CDH4: variants seen among roughly 807,000 people sequenced by gnomAD.
CDH4 encodes the protein cadherin 4, also known as cadherin-4.
A neutral mutation model predicts 86.0 loss-of-function variants in CDH4; 33 were observed. The ratio of observed to expected loss-of-function variants is 0.38; its 90% CI spans 0.29 to 0.51. The LOEUF is 0.51. Ranked by LOEUF, CDH4 falls within the 20% of genes least tolerant of loss-of-function variation. The probability of loss-of-function intolerance (pLI) is 0.86; values close to 1 mark genes in which losing one functional copy is unlikely to be tolerated. For synonymous variants in CDH4, 555 were observed against 549.4 expected (o/e 1.01, Z -0.14); for missense variants, 1,114 against 1,307.4 (o/e 0.85, Z 2.28).
chr20:61,458,049 G>A (rs1374978568), intron 2 of CDH4, among the ~76,000 whole-genome samples: 1 of 151,492 alleles, frequency 6.6e-6, no homozygotes, highest in Non-Finnish European at 1.5e-5. Context: ...GCTGACACTG[G>A]TGGTGGCAGC....
chr20:61,759,373 G>A (rs928889383), intron 3 of CDH4, among the ~76,000 whole-genome samples: 1 of 152,232 alleles, frequency 6.6e-6, no homozygotes, highest in African/African-American at 2.4e-5. Context: ...AGCAAGAACA[G>A]GGGTGTCTGT....
rs142710431 is a variant in CDH4 at position 61,752,569 on chromosome 20, C to T, written c.396+8780C>T. On this transcript the variant is annotated intron_variant, in intron 3 of 15. Transcript: ENST00000614565. ...GGCAGGTAATACCAAGAACTCTGTA[C>T]GGGACGTTAAGAGAAATCTTACGCA... Among the ~76,000 whole-genome samples, 6 of 152,196 alleles carry T rather than the reference C, an allele frequency of 3.9e-5. No homozygotes were observed. In the East Asian group the frequency reaches 9.7e-4, roughly 25 times the overall value.
intron 2 of CDH4, among the ~76,000 whole-genome samples, chr20:61,276,284 C>T (rs1198131526): frequency 6.6e-6 from 1 of 152,090 alleles, no homozygotes; most frequent in Admixed American, 6.5e-5. Flanking sequence ...AACTTAAGAC[C>T]GGAAGTGCAC....
At chr20:61,298,912 T>C (rs2084371574) in intron 2 of CDH4, among the ~76,000 whole-genome samples, 1 of 152,010 alleles carries the variant, frequency 6.6e-6, no homozygotes, top group Non-Finnish European at 1.5e-5. Context: ...AAAAATGCTC[T>C]AAAAGAACAG....
In CDH4 at chr20:61,676,628, C is replaced by A. The variant is rs1033576912; in HGVS notation, c.170-66935C>A. 1.3e-5 allele frequency among the ~76,000 whole-genome samples: 2 copies of A among 152,202 alleles called. No individual in the cohort carries two copies. The highest frequency in any genetic ancestry group is 1.3e-4 in the Admixed American group (2 of 15,290). On this transcript the variant is annotated intron_variant, in intron 2 of 15. Transcript: ENST00000614565. The surrounding 1 kb of genome is among the most constrained non-coding windows in gnomAD (Gnocchi z 4.5). ...GCCAGGGTTCACTGAGTGTACCTGGCATTCTCTCAATTCTCTGCACATGCC... is the reference window on the plus strand; with the variant it reads ...GCCAGGGTTCACTGAGTGTACCTGGAATTCTCTCAATTCTCTGCACATGCC...
intron 2 of CDH4, among the ~76,000 whole-genome samples, chr20:61,376,633 T>G (rs2145441214): frequency 6.6e-6 from 1 of 152,246 alleles, no homozygotes; most frequent in African/African-American, 2.4e-5. Context: ...ATGATGCATC[T>G]TACTGAGCAT....
At chr20:61,550,986 G>T (rs961416719) in intron 2 of CDH4, among the ~76,000 whole-genome samples, 2 of 152,232 alleles carry the variant, frequency 1.3e-5, no homozygotes, top group Admixed American at 1.3e-4. Context: ...TCAGACAGTT[G>T]GTTGAAATCC....
chr20:61,533,258 C>T (rs899136769), intron 2 of CDH4, among the ~76,000 whole-genome samples: 8 of 152,132 alleles, frequency 5.3e-5, no homozygotes, highest in South Asian at 4.1e-4. Flanking sequence ...AGTGGCAGGG[C>T]GATGGGGGGC....
chr20:61,878,093 T>C (rs1215006213), intron 7 of CDH4, among the ~76,000 whole-genome samples: 2 of 152,040 alleles, frequency 1.3e-5, no homozygotes, highest in Non-Finnish European at 2.9e-5. Flanking sequence ...GGAGCTGAGC[T>C]GTAGGCCTGG....
At chr20:61,706,799 G>A (rs1339938201) in intron 2 of CDH4, among the ~76,000 whole-genome samples, 2 of 152,232 alleles carry the variant, frequency 1.3e-5, no homozygotes, top group Non-Finnish European at 2.9e-5. Flanking sequence ...TCATGGTGAG[G>A]TTCCAACCGG....
intron 4 of CDH4, among the ~76,000 whole-genome samples, chr20:61,776,589 C>T (rs2088845417): frequency 6.6e-6 from 1 of 152,240 alleles, no homozygotes; most frequent in Non-Finnish European, 1.5e-5. Context: ...CCCAGAACGT[C>T]ACTGCAGAAC....
At chr20:61,461,696 T>G (rs767108150) in intron 2 of CDH4, among the ~76,000 whole-genome samples, 3 of 152,220 alleles carry the variant, frequency 2.0e-5, no homozygotes, top group Non-Finnish European at 4.4e-5. Context: ...CCTCCTGTGT[T>G]ATTTCCACAT....
intron 2 of CDH4, among the ~76,000 whole-genome samples, chr20:61,484,716 G>A (rs2085586512): frequency 6.6e-6 from 1 of 152,124 alleles, no homozygotes; most frequent in Admixed American, 6.5e-5. Flanking sequence ...CCAGCCAGTG[G>A]GGAAAGAGCT....
At chr20:61,778,059 C>T (rs915058678) in intron 4 of CDH4, among the ~76,000 whole-genome samples, 2 of 152,260 alleles carry the variant, frequency 1.3e-5, no homozygotes, top group African/African-American at 2.4e-5. Flanking sequence ...CACTCCTACA[C>T]GTTCATGTTT....
chr20:61,761,698 A>G (rs1312229299), intron 3 of CDH4, among the ~76,000 whole-genome samples: 1 of 152,228 alleles, frequency 6.6e-6, no homozygotes. Context: ...TGCAGTGCAC[A>G]GAGGGGTGAG....
At chr20:61,903,032 A>G (rs1427173448) in intron 8 of CDH4, among the ~76,000 whole-genome samples, 1 of 152,068 alleles carries the variant, frequency 6.6e-6, no homozygotes, top group Admixed American at 6.6e-5. Flanking sequence ...AAAAAAAAAA[A>G]AAAAAAAAGA....
intron 2 of CDH4, among the ~76,000 whole-genome samples, chr20:61,617,903 T>G (rs951821266): frequency 3.9e-5 from 6 of 152,168 alleles, no homozygotes; most frequent in African/African-American, 1.4e-4. Flanking sequence ...ATGGAGGCGG[T>G]TTCTCCCATG....
At chr20:61,621,562 G>A (rs756499952) in intron 2 of CDH4, among the ~76,000 whole-genome samples, 31 of 152,218 alleles carry the variant, frequency 2.0e-4, no homozygotes, top group Middle Eastern at 3.4e-3. Flanking sequence ...TTTCATCACC[G>A]TCCTTCTCCG....
intron 2 of CDH4, among the ~76,000 whole-genome samples, chr20:61,541,441 G>A (rs903062636): frequency 4.6e-5 from 7 of 152,168 alleles, no homozygotes; most frequent in Non-Finnish European, 1.0e-4. Context: ...CAAGCACACT[G>A]GCTAATTTTC....
Sources: gnomAD v4.1 joint callset for allele counts (sites outside exome capture counted in the v4.1 genomes callset) on GRCh38, gnomAD v4.1.1 for gene constraint, Gnocchi (gnomAD v3.1) non-coding constraint, MANE v1.5 for transcripts, NCBI Gene and HGNC (gene_info 2026-07-23, HGNC 2026-07-21) for gene names.